Variants in FBLIM1 observed in about 807,000 individuals in gnomAD.
FBLIM1 encodes the protein filamin binding LIM protein 1.
A neutral mutation model predicts 37.4 loss-of-function variants in FBLIM1; 29 were observed. The observed-to-expected ratio is 0.77, with a 90% CI of 0.58 to 1.06. FBLIM1 has a LOEUF of 1.06. Among genes scored for constraint, FBLIM1 ranks in the 50% least tolerant of loss-of-function variants. The probability of loss-of-function intolerance (pLI) is 0.00; values close to 1 mark genes in which losing one functional copy is unlikely to be tolerated. For synonymous variants in FBLIM1, 193 were observed against 199.0 expected (o/e 0.97, Z 0.25); for missense variants, 449 against 505.6 (o/e 0.89, Z 1.07).
chr1:15,759,521 G>C (rs926382287), intron 1 of FBLIM1, among the ~76,000 whole-genome samples: 11 of 152,172 alleles, frequency 7.2e-5, no homozygotes, highest in African/African-American at 2.4e-4. Flanking sequence ...GACGCTGTAG[G>C]TTCTGTCCGG....
rs367878011 is a variant in FBLIM1 at position 15,784,572 on chromosome 1, G to A, written c.1033G>A (p.Glu345Lys). 3.7e-6 allele frequency: 6 copies of A among 1,613,820 alleles called. No individual in the cohort carries two copies. Among genetic ancestry groups the A allele is most frequent in the East Asian group, 2.2e-5 (1 of 44,892 alleles). Reference protein sequence around the residue: ...CEDCRILLSVEPTDQGCYPLN... With the variant: ...CEDCRILLSVKPTDQGCYPLN... ...GGACTGCAGGATCCTCCTGTCTGTC[G>A]AGCCCACGGACCAAGGCTGCTACCC... Residue 345 changes from glutamate (E) to lysine (K), a missense_variant, in exon 9 of 9, where the codon GAG becomes AAG. Glu to Lys is a moderately conservative substitution (Grantham distance 56). Coordinates refer to ENST00000375766, the MANE Select transcript of FBLIM1 (RefSeq NM_017556.4).
chr1:15,774,114 CAG>C (rs1453103231), intron 6 of FBLIM1, among the ~76,000 whole-genome samples: 2 of 152,202 alleles, frequency 1.3e-5, no homozygotes, highest in Non-Finnish European at 2.9e-5. Context: ...GCCTCAGTAA[CAG>C]AGCGAGACTC....
At chr1:15,781,292 A>G (rs575899268) in intron 8 of FBLIM1, among the ~76,000 whole-genome samples, 22 of 152,090 alleles carry the variant, frequency 1.4e-4, no homozygotes, top group African/African-American at 4.8e-4. Flanking sequence ...CGGGAGGCAG[A>G]GGTTGCAGTG....
Position 15,772,116 on chromosome 1 carries a change from G to C in FBLIM1, c.711+1538G>C, listed in dbSNP as rs553107337. On this transcript the variant is annotated intron_variant, in intron 6 of 8. Coordinates refer to ENST00000375766, the MANE Select transcript of FBLIM1 (RefSeq NM_017556.4). ...TGTGTAGGCCACTCTTTGTGCTTATGAATGAGGAACACCTGGAAATCAGCA... is the reference window on the plus strand; with the variant it reads ...TGTGTAGGCCACTCTTTGTGCTTATCAATGAGGAACACCTGGAAATCAGCA... Among the ~76,000 whole-genome samples, 8 of 152,276 alleles carry C rather than the reference G, an allele frequency of 5.3e-5. No homozygotes were observed. In the South Asian group the frequency reaches 1.4e-3, roughly 28 times the overall value.
At chr1:15,777,380 G>C in intron 8 of FBLIM1, 93 bp downstream of exon 8, 1 of 773,612 alleles carries the variant, frequency 1.3e-6, no homozygotes, top group Non-Finnish European at 2.1e-6. Flanking sequence ...TCAGGGTGGG[G>C]GCTGTACTCT....
intron 8 of FBLIM1, among the ~76,000 whole-genome samples, chr1:15,778,395 T>A (rs919520021): frequency 1.3e-5 from 2 of 152,040 alleles, no homozygotes; most frequent in Non-Finnish European, 2.9e-5. Flanking sequence ...TGAAACCCTG[T>A]CTTAAAAATA....
chr1:15,772,550 A>C (rs1470828137), intron 6 of FBLIM1, among the ~76,000 whole-genome samples: 1 of 152,174 alleles, frequency 6.6e-6, no homozygotes, highest in African/African-American at 2.4e-5. Flanking sequence ...GAGAGACAGC[A>C]TGTCCAGGAG....
At chr1:15,778,742 G>A (rs575746297) in intron 8 of FBLIM1, among the ~76,000 whole-genome samples, 1 of 152,186 alleles carries the variant, frequency 6.6e-6, no homozygotes, top group East Asian at 1.9e-4. Flanking sequence ...CCGAGTTCAA[G>A]CGATTCCCCT....
At chr1:15,767,326 C>T in intron 3 of FBLIM1, 50 bp from the exon 4 acceptor site, 1 of 1,491,122 alleles carries the variant, frequency 6.7e-7, no homozygotes, top group Non-Finnish European at 8.9e-7. Context: ...AAAACCCTCC[C>T]AGGTCCACCT....
Position 15,765,123 on chromosome 1 carries a change from C to T in FBLIM1, c.140C>T (p.Ala47Val), listed in dbSNP as rs2068854629. 1.9e-6 allele frequency: 3 copies of T among 1,613,828 alleles called. No individual in the cohort carries two copies. Among genetic ancestry groups the T allele is most frequent in the East Asian group, 4.5e-5 (2 of 44,854 alleles). ...ARRGRPWEAP[A>V]PMKTPEAGLA... Reference sequence around the variant, plus strand: ...CGTGGCCGCCCCTGGGAGGCTCCTGCCCCCATGAAGACACCCGAGGCTGGC... The same window carrying T: ...CGTGGCCGCCCCTGGGAGGCTCCTGTCCCCATGAAGACACCCGAGGCTGGC... The change falls in exon 3 of 9, where the codon GCC becomes GTC. Residue 47 changes from alanine to valine, a missense_variant. Coordinates refer to ENST00000375766, the MANE Select transcript of FBLIM1 (RefSeq NM_017556.4). The surrounding 1 kb of genome is among the most constrained non-coding windows in gnomAD (Gnocchi z 5.9).
At chr1:15,760,906 G>GCAGTGGGAC (rs1472919795) in intron 1 of FBLIM1, among the ~76,000 whole-genome samples, 1 of 152,210 alleles carries the variant, frequency 6.6e-6, no homozygotes, top group East Asian at 1.9e-4. Flanking sequence ...TGAATCGGTG[G>GCAGTGGGAC]CAGTGGGACG....
In FBLIM1 at chr1:15,784,730, C is replaced by T; in HGVS notation, c.*69C>T. 2 of 1,362,796 alleles carry T rather than the reference C, an allele frequency of 1.5e-6. No homozygotes were observed. Among genetic ancestry groups the T allele is most frequent in the Non-Finnish European group, 2.1e-6 (2 of 961,036 alleles). The allele number at this position is 1,362,796 out of a possible 1,614,324, so 84.4% of individuals were successfully genotyped here. A position where few individuals can be genotyped will look rare whatever the true frequency, so the allele number is the denominator to read the frequency against. On this transcript the variant is annotated 3_prime_UTR_variant, in exon 9 of 9. Transcript: ENST00000375766. Reference sequence around the variant, plus strand: ...GCCCTTCCCTGACTTGGTTTCCCTTCCTAACCTGCTCTTGCACACTTTCCT... The same window carrying T: ...GCCCTTCCCTGACTTGGTTTCCCTTTCTAACCTGCTCTTGCACACTTTCCT...
At chr1:15,767,337 G>A in intron 3 of FBLIM1, 39 bp from the exon 4 acceptor site, 1 of 1,508,966 alleles carries the variant, frequency 6.6e-7, no homozygotes, top group Non-Finnish European at 8.8e-7. Flanking sequence ...AGGTCCACCT[G>A]GGAGGCTCTG....
chr1:15,757,008 C>T (rs564114293), upstream of FBLIM1, among the ~76,000 whole-genome samples: 2 of 152,328 alleles, frequency 1.3e-5, no homozygotes, highest in African/African-American at 2.4e-5. This position sits in a 1 kb window ranked among gnomAD's most constrained non-coding sequence, Gnocchi z 4.1. Flanking sequence ...ACCCCCAGAT[C>T]GCACCTTCCT....
At chr1:15,770,307 G>GT in intron 5 of FBLIM1, 102 bp from the exon 6 acceptor site, 1 of 1,308,140 alleles carries the variant, frequency 7.6e-7, no homozygotes, top group Non-Finnish European at 1.1e-6. Context: ...AATTTGCAGG[G>GT]TTTAAGACAG....
Position 15,785,834 on chromosome 1 carries a change from G to A in FBLIM1, c.*1173G>A, listed in dbSNP as rs2069755998. On this transcript the variant is annotated 3_prime_UTR_variant, in exon 9 of 9. Coordinates refer to ENST00000375766, the MANE Select transcript of FBLIM1 (RefSeq NM_017556.4). ...TGGGGCCAGGGCCCAGACCCAAGAG[G>A]AGAGGGTGGTCCGCAGACACCCCGG... is the stretch of plus-strand genomic sequence containing the variant. 1 of 152,242 alleles carries A rather than the reference G, an allele frequency of 6.6e-6. No individual in the cohort carries two copies. The highest frequency in any genetic ancestry group is 2.4e-5 in the African/African-American group (1 of 41,444). 9.4% of individuals were successfully genotyped at this position (152,242 alleles called of 1,614,324 possible). A position where few individuals can be genotyped will look rare whatever the true frequency, so the allele number is the denominator to read the frequency against.
intron 7 of FBLIM1, chr1:15,775,277 C>A (rs752231562): frequency 2.5e-5 from 4 of 162,376 alleles, no homozygotes; most frequent in Non-Finnish European, 5.3e-5. Context: ...TGGCTCACAC[C>A]TGTAATCCCA....
At chr1:15,777,366 C>G in intron 8 of FBLIM1, 79 bp downstream of exon 8, 1 of 1,026,002 alleles carries the variant, frequency 9.7e-7, no homozygotes, top group Non-Finnish European at 1.5e-6. Context: ...GACATGGGGA[C>G]AGGTCAGGGT....
chr1:15,777,281 G>A lies in FBLIM1; in HGVS notation c.1002G>A (p.Arg334=). The A allele has an allele frequency of 6.2e-7, 1 of 1,610,908 alleles. No individual in the cohort carries two copies. Among genetic ancestry groups the A allele is most frequent in the Non-Finnish European group, 8.5e-7 (1 of 1,177,328 alleles). The stretch of plus-strand genomic sequence containing the variant: ...GAAACTTCCATGAAAATTGCTACAG[G>A]TGTGAGGTGAGTGGAGCCTAGGTGG... ...MGRNFHENCY[R]CEDCRILLSV... is the part of the protein sequence containing the mutation. The change falls in exon 8 of 9, where the codon AGG becomes AGA. Residue 334 remains arginine, a synonymous_variant. Transcript: ENST00000375766.
Sources: gnomAD v4.1 joint callset for allele counts (sites outside exome capture counted in the v4.1 genomes callset) on GRCh38, gnomAD v4.1.1 for gene constraint, Gnocchi (gnomAD v3.1) non-coding constraint, MANE v1.5 for transcripts, NCBI Gene and HGNC (gene_info 2026-07-23, HGNC 2026-07-21) for gene names.